The following SLMAP variants were observed in gnomAD, a reference collection of about 807,000 sequenced individuals.
SLMAP encodes sarcolemma associated protein.
In SLMAP, 44 loss-of-function variants were observed where a neutral mutation model predicts 128.8. That is an observed-to-expected ratio of 0.34 (90% CI 0.27 to 0.44). The LOEUF (loss-of-function observed/expected upper bound fraction) is 0.44, where lower values mean the gene tolerates loss of function less well. SLMAP is among the 20% of genes least tolerant of loss of function. SLMAP has a pLI of 1.00. For missense variants in SLMAP, 787 were observed against 985.3 expected, an observed-to-expected ratio of 0.80 and a Z score of 2.69; for synonymous variants, 327 against 348.8, an observed-to-expected ratio of 0.94 and a Z score of 0.70.
chr3:57,779,555 A>G (rs1459348236), intron 2 of SLMAP, among the ~76,000 whole-genome samples: 3 of 151,760 alleles, frequency 2.0e-5, no homozygotes, highest in Non-Finnish European at 2.9e-5. Flanking sequence ...AAAAATCACC[A>G]TACGTACTGA....
intron 13 of SLMAP, among the ~76,000 whole-genome samples, chr3:57,869,857 G>T (rs549128599): frequency 6.6e-6 from 1 of 150,456 alleles, no homozygotes; most frequent in African/African-American, 2.4e-5. Flanking sequence ...ACATTTGAAG[G>T]GTTTAGTAAC....
intron 20 of SLMAP, 51 bp from the exon 21 acceptor site, chr3:57,913,104 GTAT>G (rs1256369710): frequency 1.2e-6 from 1 of 866,150 alleles, no homozygotes; most frequent in Non-Finnish European, 1.9e-6. Context: ...ATCCTTTGAA[GTAT>G]TATGGAAGTT....
intron 18 of SLMAP, among the ~76,000 whole-genome samples, chr3:57,908,624 T>A (rs1459411281): frequency 1.3e-5 from 2 of 152,220 alleles, no homozygotes; most frequent in East Asian, 3.8e-4. Context: ...TTAGAATTGG[T>A]ATTCACTTAA....
At position 57,835,242 on chromosome 3, in the gene SLMAP, C is replaced by T. The variant is rs570251274; in HGVS notation, c.346+3712C>T. ...AGCCCTTGAGCCCAGGAGTTCAAAC[C>T]AGCCTGGGCAACATAGGGAGACACT... On this transcript the variant is annotated intron_variant, in intron 3 of 24. Coordinates refer to ENST00000671191, the MANE Select transcript of SLMAP (RefSeq NM_001377540.1). Among the ~76,000 whole-genome samples, 26 of 151,866 alleles carry T rather than the reference C, an allele frequency of 1.7e-4. No individual in the cohort carries two copies. The South Asian group carries it at 5.4e-3, about 32-fold the overall frequency.
intron 2 of SLMAP, among the ~76,000 whole-genome samples, chr3:57,821,299 C>G (rs889406039): frequency 6.6e-6 from 1 of 152,086 alleles, no homozygotes; most frequent in Non-Finnish European, 1.5e-5. Flanking sequence ...GTGAACACAT[C>G]TAGAATGTCA....
chr3:57,914,534 A>AT (rs1419446278), intron 21 of SLMAP, among the ~76,000 whole-genome samples: 1 of 152,136 alleles, frequency 6.6e-6, no homozygotes, highest in African/African-American at 2.4e-5. Context: ...TATATATCAT[A>AT]TATGAAATAC....
intron 23 of SLMAP, among the ~76,000 whole-genome samples, chr3:57,924,382 T>C (rs939178569): frequency 6.6e-6 from 1 of 152,280 alleles, no homozygotes; most frequent in South Asian, 2.1e-4. Context: ...TTCTCTTTTT[T>C]TTTGAGACGG....
intron 2 of SLMAP, among the ~76,000 whole-genome samples, chr3:57,784,900 C>T (rs565267200): frequency 2.0e-5 from 3 of 152,234 alleles, no homozygotes; most frequent in East Asian, 1.9e-4. Flanking sequence ...CTCCCCTTCT[C>T]TTGTGCTCTC....
intron 2 of SLMAP, among the ~76,000 whole-genome samples, chr3:57,808,726 A>G (rs266839): frequency 0.16 from 24,021 of 152,232 alleles, 2,441 homozygotes; most frequent in East Asian, 0.43. Context: ...AGAAGAATGT[A>G]TATTCTGTTG....
intron 20 of SLMAP, 77 bp from the exon 21 acceptor site, chr3:57,913,081 A>G (rs971841668): frequency 1.4e-6 from 1 of 726,656 alleles, no homozygotes; most frequent in Non-Finnish European, 2.3e-6. Flanking sequence ...TCTCCTCTGA[A>G]ATCTTTTCCT....
At position 57,757,609 on chromosome 3, in the gene SLMAP, C is replaced by G; in HGVS notation, c.-43C>G. On this transcript the variant is annotated 5_prime_UTR_variant, in exon 2 of 25. Coordinates refer to ENST00000671191, the MANE Select transcript of SLMAP (RefSeq NM_001377540.1). ...AGGGCAGTCCGGATCCGGAGGAACTCCTCTTTGTCCCTGGTAGGAGAGACA... is the reference window on the plus strand; with the variant it reads ...AGGGCAGTCCGGATCCGGAGGAACTGCTCTTTGTCCCTGGTAGGAGAGACA... The G allele has an allele frequency of 6.3e-7, 1 of 1,598,546 alleles. No homozygotes were observed. The highest frequency in any genetic ancestry group is 8.6e-7 in the Non-Finnish European group (1 of 1,168,002).
intron 2 of SLMAP, among the ~76,000 whole-genome samples, chr3:57,763,500 C>T (rs987274466): frequency 1.4e-4 from 21 of 152,160 alleles, no homozygotes; most frequent in African/African-American, 4.1e-4. Flanking sequence ...GTCTCGAACT[C>T]CTGAGCTTAG....
At chr3:57,844,411 A>T (rs2094138724) in intron 4 of SLMAP, among the ~76,000 whole-genome samples, 2 of 152,056 alleles carry the variant, frequency 1.3e-5, no homozygotes, top group African/African-American at 4.8e-5. Flanking sequence ...AAAAATTTTA[A>T]AAATTAAAAA....
intron 15 of SLMAP, among the ~76,000 whole-genome samples, chr3:57,891,762 G>C (rs1309417038): frequency 6.6e-6 from 1 of 151,970 alleles, no homozygotes; most frequent in Non-Finnish European, 1.5e-5. Context: ...TTTTAGTAGA[G>C]AATGAGGTTT....
At chr3:57,757,910 C>A in intron 2 of SLMAP, 61 bp downstream of exon 2, 1 of 1,455,192 alleles carries the variant, frequency 6.9e-7, no homozygotes, top group South Asian at 1.2e-5. Flanking sequence ...CTTTTGCCCT[C>A]CCTGAGAGGA....
chr3:57,887,186 A>G (rs1030668261), intron 14 of SLMAP, among the ~76,000 whole-genome samples: 1 of 152,106 alleles, frequency 6.6e-6, no homozygotes, highest in East Asian at 1.9e-4. Flanking sequence ...AGGATATCAT[A>G]TAGTCATAAT....
chr3:57,760,184 C>T (rs2078338157), intron 2 of SLMAP, among the ~76,000 whole-genome samples: 1 of 152,214 alleles, frequency 6.6e-6, no homozygotes, highest in South Asian at 2.1e-4. Context: ...AAGTGATCCA[C>T]CCTCCTCGGC....
intron 14 of SLMAP, among the ~76,000 whole-genome samples, chr3:57,882,510 C>T (rs1347537645): frequency 6.6e-6 from 1 of 152,062 alleles, no homozygotes; most frequent in African/African-American, 2.4e-5. Flanking sequence ...ACTTAAACAC[C>T]TTTTTAAAAT....
intron 10 of SLMAP, among the ~76,000 whole-genome samples, chr3:57,862,596 C>T (rs1232028250): frequency 6.9e-6 from 1 of 144,094 alleles, no homozygotes; most frequent in Non-Finnish European, 1.5e-5. Context: ...CAAGATTGCA[C>T]CACTGCACTC....
Sources: allele counts gnomAD v4.1 joint callset (sites outside exome capture counted in the v4.1 genomes callset), GRCh38; gene constraint gnomAD v4.1.1; transcripts MANE v1.5; gene names NCBI Gene and HGNC (gene_info 2026-07-23, HGNC 2026-07-21).